The following KALRN variants were observed in gnomAD, a reference collection of about 807,000 sequenced individuals.
KALRN encodes the protein kalirin RhoGEF kinase, also known as kalirin.
A neutral mutation model predicts 353.7 loss-of-function variants in KALRN; 70 were observed. The ratio of observed to expected loss-of-function variants is 0.20; its 90% CI spans 0.16 to 0.24. The LOEUF (loss-of-function observed/expected upper bound fraction) is 0.24, where lower values mean the gene tolerates loss of function less well. Among genes scored for constraint, KALRN ranks in the 10% least tolerant of loss-of-function variants. The pLI, the probability that KALRN is intolerant of heterozygous loss-of-function variation, is 1.00. For synonymous variants in KALRN, 1,391 were observed against 1,434.8 expected (o/e 0.97, Z 0.69); for missense variants, 2,791 against 3,756.7 (o/e 0.74, Z 6.72).
chr3:124,038,608 G>GA (rs1044769676), intron 1 of KALRN, among the ~76,000 whole-genome samples: 1 of 152,022 alleles, frequency 6.6e-6, no homozygotes, highest in Non-Finnish European at 1.5e-5. Context: ...AGGTGCAAAG[G>GA]AAAAAAAGTA....
chr3:124,447,004 G>T (rs1351397459), intron 21 of KALRN, 119 bp downstream of exon 21: 3 of 1,158,804 alleles, frequency 2.6e-6, no homozygotes, highest in East Asian at 2.4e-5. Flanking sequence ...CAGTGGCAAG[G>T]GGGGAAGCAT....
At chr3:124,048,263 A>G (rs1251830457) in intron 1 of KALRN, among the ~76,000 whole-genome samples, 1 of 152,168 alleles carries the variant, frequency 6.6e-6, no homozygotes, top group Non-Finnish European at 1.5e-5. Context: ...AAAGTATAAG[A>G]TATATGGTCA....
intron 1 of KALRN, among the ~76,000 whole-genome samples, chr3:124,114,039 T>C (rs1383476828): frequency 2.0e-5 from 3 of 152,092 alleles, no homozygotes; most frequent in African/African-American, 7.2e-5. Flanking sequence ...GAAATATTTT[T>C]AAAAGGAGAA....
intron 34 of KALRN, among the ~76,000 whole-genome samples, chr3:124,604,254 C>T (rs1266653398): frequency 1.3e-5 from 2 of 152,126 alleles, no homozygotes; most frequent in Admixed American, 6.5e-5. Flanking sequence ...CACCCACTAA[C>T]TCGTCATCTA....
chr3:124,219,966 A>T (rs934812319), intron 1 of KALRN, among the ~76,000 whole-genome samples: 1 of 149,148 alleles, frequency 6.7e-6, no homozygotes, highest in Non-Finnish European at 1.5e-5. Flanking sequence ...TTGTTTTGAG[A>T]TGGAGTCTCC....
At chr3:124,108,725 A>T (rs1219596187) in intron 1 of KALRN, among the ~76,000 whole-genome samples, 1 of 152,234 alleles carries the variant, frequency 6.6e-6, no homozygotes, top group African/African-American at 2.4e-5. Context: ...AACCAAGTTG[A>T]ACATGTAGTA....
chr3:124,703,856 ATGGAGTTC>A (rs1260697623), intron 57 of KALRN, among the ~76,000 whole-genome samples: 3 of 148,908 alleles, frequency 2.0e-5, no homozygotes, highest in East Asian at 4.1e-4. Flanking sequence ...TTTTGTAGAG[ATGGAGTTC>A]TCACTATGTT....
chr3:124,283,488 C>T (rs976449249), intron 5 of KALRN, among the ~76,000 whole-genome samples: 8 of 152,162 alleles, frequency 5.3e-5, no homozygotes, highest in Non-Finnish European at 7.4e-5. Context: ...GTCAATATCC[C>T]GGGGCTGTCT....
At position 124,666,515 on chromosome 3, in the gene KALRN, G is replaced by A. The variant is rs1427219151; in HGVS notation, c.6412G>A (p.Gly2138Ser). Residue 2138 changes from glycine to serine, a missense_variant, in exon 46 of 60, where the codon GGC becomes AGC. By Grantham distance (56) the Gly-to-Ser change is moderately conservative. Transcript: ENST00000682506. ...ATTCTATGTGATCGAGCTGGATGCAGGCATGCAGTCCCGGACCAAAGAGAG... is the reference window on the plus strand; with the variant it reads ...ATTCTATGTGATCGAGCTGGATGCAAGCATGCAGTCCCGGACCAAAGAGAG... ...DTFYVIELDAGMQSRTKERRV... is the reference protein window; with the variant it reads ...DTFYVIELDASMQSRTKERRV... 2 of 1,614,022 alleles carry A rather than the reference G, an allele frequency of 1.2e-6. No homozygotes were observed. Among genetic ancestry groups the A allele is most frequent in the Non-Finnish European group, 1.7e-6 (2 of 1,179,888 alleles).
Position 124,094,622 on chromosome 3 carries a change from G to A in KALRN, c.73+60809G>A, listed in dbSNP as rs150214123. The A allele has an allele frequency of 7.4e-3, 4,502 of 606,758 alleles. 134 individuals are homozygous for A. Among genetic ancestry groups the A allele is most frequent in the South Asian group, 0.058 (3,115 of 53,440 alleles). The allele number at this position is 606,758 out of a possible 1,614,324, so 37.6% of individuals were successfully genotyped here. The stretch of plus-strand genomic sequence containing the variant: ...CAGGCAGGCTCGGTCTGCACACGGC[G>A]TTGTTCTGCACTTGTTCCTTTGTTG... On this transcript the variant is annotated intron_variant, in intron 1 of 59. Transcript: ENST00000682506.
In KALRN at chr3:124,584,521, C is replaced by T. The variant is rs998744398; in HGVS notation, c.5182+21432C>T. On this transcript the variant is annotated intron_variant, in intron 34 of 59. Coordinates refer to ENST00000682506, the MANE Select transcript of KALRN (RefSeq NM_001388419.1). ...ACTCCACCCGTTTGCCCCGTGCCCA[C>T]AGCGTTGGTGCCACAGGCAGCGTTA... is the stretch of plus-strand genomic sequence containing the variant. The T allele has an allele frequency of 4.6e-6, 4 of 877,558 alleles. 1 individual carries two copies. The East Asian group carries it at 1.5e-4, about 34-fold the overall frequency. 54.4% of individuals were successfully genotyped at this position (877,558 alleles called of 1,614,324 possible). A position where few individuals can be genotyped will look rare whatever the true frequency, so the allele number is the denominator to read the frequency against.
At chr3:124,355,054 G>T (rs2083238519) in intron 10 of KALRN, among the ~76,000 whole-genome samples, 8 of 152,192 alleles carry the variant, frequency 5.3e-5, no homozygotes, top group Admixed American at 5.2e-4. Context: ...AAGCTCCCTG[G>T]AATCTCCTGG....
chr3:124,699,115 C>T (rs1382186973), intron 55 of KALRN, among the ~76,000 whole-genome samples: 1 of 152,188 alleles, frequency 6.6e-6, no homozygotes, highest in African/African-American at 2.4e-5. Flanking sequence ...ATTAAACAGG[C>T]CCTATGCAGT....
chr3:124,288,599 G>C (rs754032899), intron 5 of KALRN, among the ~76,000 whole-genome samples: 6 of 152,142 alleles, frequency 3.9e-5, no homozygotes, highest in Non-Finnish European at 5.9e-5. Flanking sequence ...GCAATAGTAG[G>C]GGTTGGTTTT....
intron 23 of KALRN, among the ~76,000 whole-genome samples, chr3:124,459,725 ACT>A (rs2059670209): frequency 6.6e-6 from 1 of 152,176 alleles, no homozygotes; most frequent in Non-Finnish European, 1.5e-5. Flanking sequence ...ATATTTTGAC[ACT>A]CTGTTTGTGA....
rs140137906 is a variant in KALRN, at chr3:124,332,459, C to T, written c.1417-1806C>T. 3.1e-3 allele frequency among the ~76,000 whole-genome samples: 468 copies of T among 152,252 alleles called. 6 individuals are homozygous for T. Among genetic ancestry groups the T allele is most frequent in the Admixed American group, 0.026 (396 of 15,300 alleles). ...TCTTTTGGGGAAGGCTCCAAGCCAG[C>T]TTTGATTTAGTTGGTAACCAAATTT... is the stretch of plus-strand genomic sequence containing the variant. On this transcript the variant is annotated intron_variant, in intron 8 of 59. Coordinates refer to ENST00000682506, the MANE Select transcript of KALRN (RefSeq NM_001388419.1).
chr3:124,524,035 A>G (rs1248976319), intron 33 of KALRN, among the ~76,000 whole-genome samples: 1 of 152,242 alleles, frequency 6.6e-6, no homozygotes, highest in African/African-American at 2.4e-5. Flanking sequence ...ACACTCTAAG[A>G]GCCACTGAAC....
intron 10 of KALRN, among the ~76,000 whole-genome samples, chr3:124,354,276 C>T (rs1009495281): frequency 6.6e-6 from 1 of 152,156 alleles, no homozygotes; most frequent in Non-Finnish European, 1.5e-5. Flanking sequence ...TTTTATCTCT[C>T]GTTCCATGTG....
chr3:124,357,605 C>T (rs1177080143), intron 10 of KALRN, among the ~76,000 whole-genome samples: 3 of 152,174 alleles, frequency 2.0e-5, no homozygotes, highest in Non-Finnish European at 4.4e-5. Flanking sequence ...CTGACCAGCT[C>T]CTATCACCTT....
Sources: gnomAD v4.1 joint callset for allele counts (sites outside exome capture counted in the v4.1 genomes callset) on GRCh38, gnomAD v4.1.1 for gene constraint, MANE v1.5 for transcripts, NCBI Gene and HGNC (gene_info 2026-07-23, HGNC 2026-07-21) for gene names.